ARHGAP11B: variants seen among roughly 807,000 people sequenced by gnomAD.
ARHGAP11B encodes Rho GTPase activating protein 11B.
ARHGAP11B carries 14 observed loss-of-function variants against 27.6 expected under a neutral mutation model. The observed-to-expected ratio is 0.51, with a 90% CI of 0.34 to 0.79. ARHGAP11B has a LOEUF of 0.79. Ranked by LOEUF, ARHGAP11B falls within the 30% of genes least tolerant of loss-of-function variation. The pLI, the probability that ARHGAP11B is intolerant of heterozygous loss-of-function variation, is 0.02. For missense variants in ARHGAP11B, 245 were observed against 320.1 expected (o/e 0.77, Z 1.79); for synonymous variants, 82 against 114.1 (o/e 0.72, Z 1.80).
At chr15:30,647,153 A>G (rs1355378999) in intron 9 of ARHGAP11B, among the ~76,000 whole-genome samples, 2 of 151,774 alleles carry the variant, frequency 1.3e-5, no homozygotes, top group Admixed American at 6.6e-5. Context: ...TTTTTTTCCT[A>G]TCCTCTGGGA....
intron 9 of ARHGAP11B, among the ~76,000 whole-genome samples, chr15:30,646,990 G>A (rs888133339): frequency 1.3e-5 from 2 of 151,740 alleles, no homozygotes; most frequent in African/African-American, 2.4e-5. Context: ...AAAACAAAAC[G>A]TGATATCATA....
At position 30,639,968 on chromosome 15, in the gene ARHGAP11B, T is replaced by TAGAG. The variant is rs1468172770; in HGVS notation, c.*78+1149_*78+1152dup. Among the ~76,000 whole-genome samples the TAGAG allele has an allele frequency of 7.2e-4, 90 of 125,478 alleles. 1 individual carries two copies. Among genetic ancestry groups the TAGAG allele is most frequent in the African/African-American group, 2.5e-3 (86 of 34,128 alleles). The allele number at this position is 125,478 out of a possible 152,430, so 82.3% of individuals were successfully genotyped here. A position where few individuals can be genotyped will look rare whatever the true frequency, so the allele number is the denominator to read the frequency against. On this transcript the variant is annotated intron_variant, in intron 7 of 10. Coordinates refer to ENST00000428041, the Ensembl canonical transcript of ARHGAP11B. ...TTTTAAAATAGACAGTGTTTCAATA[T>TAGAG]AGAGTGTGTGTGTGTGTGTGTGTGT... is the stretch of plus-strand genomic sequence containing the variant.
chr15:30,627,566 A>G (rs1158407067), intron 1 of ARHGAP11B, among the ~76,000 whole-genome samples: 1 of 147,932 alleles, frequency 6.8e-6, no homozygotes, highest in Non-Finnish European at 1.5e-5. Flanking sequence ...TGGGACAGCA[A>G]TTTTTTTTTT....
chr15:30,627,020 C>A lies in ARHGAP11B; in HGVS notation c.129+71C>A, dbSNP rs1389467506. The A allele has an allele frequency of 1.8e-5, 28 of 1,593,194 alleles. 1 individual carries two copies. Among genetic ancestry groups the A allele is most frequent in the Non-Finnish European group, 2.3e-5 (27 of 1,168,010 alleles). Reference sequence around the variant, plus strand: ...CCTTTATCATCACTTATTAGCAGATCGTGCTAAAATGTTCACTCTGTGTAT... The same window carrying A: ...CCTTTATCATCACTTATTAGCAGATAGTGCTAAAATGTTCACTCTGTGTAT... On this transcript the variant is annotated intron_variant, in intron 1 of 10. Transcript: ENST00000428041.
At chr15:30,641,958 T>C (rs4779484) in intron 7 of ARHGAP11B, among the ~76,000 whole-genome samples, 83,741 of 151,750 alleles carry the variant, frequency 0.55, 24,713 homozygotes, top group African/African-American at 0.71. Context: ...TCAAGCAATC[T>C]GCCCTCCTCA....
chr15:30,633,422 C>T lies in ARHGAP11B; in HGVS notation c.201-68C>T, dbSNP rs963043489. 21 of 1,400,354 alleles carry T rather than the reference C, an allele frequency of 1.5e-5. 1 individual carries two copies. The Admixed American group carries it at 1.9e-4, about 13-fold the overall frequency. 86.7% of individuals were successfully genotyped at this position (1,400,354 alleles called of 1,614,324 possible). On this transcript the variant is annotated intron_variant, in intron 2 of 10. Transcript: ENST00000428041. ...AAAGGTCTGTAGTGCTTGGCCTGCT[C>T]ATGTATGTTAGCAGAGGAATAGGAT... is the stretch of plus-strand genomic sequence containing the variant.
At chr15:30,630,905 C>A (rs1457263088) in intron 2 of ARHGAP11B, 132 bp downstream of exon 2, 11 of 1,494,632 alleles carry the variant, frequency 7.4e-6, no homozygotes, top group Non-Finnish European at 8.1e-6. Context: ...CATGGTGAGA[C>A]CTTGTCGCAA....
intron 8 of ARHGAP11B, chr15:30,644,802 A>C: frequency 1.9e-6 from 2 of 1,061,078 alleles, no homozygotes; most frequent in Non-Finnish European, 2.9e-6. Context: ...GAATAACTAA[A>C]TTTATTTTGT....
exon 1 of ARHGAP11B, chr15:30,626,131 G>A (rs1327227915): frequency 2.6e-5 from 4 of 153,670 alleles, no homozygotes; most frequent in Non-Finnish European, 5.8e-5. Context: ...CCCCCGTGGT[G>A]GCTCCGGGTG....
intron 6 of ARHGAP11B, among the ~76,000 whole-genome samples, chr15:30,638,030 G>A (rs2060292428): frequency 6.6e-6 from 1 of 151,346 alleles, no homozygotes; most frequent in Admixed American, 6.6e-5. Context: ...GTGTTGGCCA[G>A]GCTGGTCTCT....
chr15:30,633,515 T>C (rs2060258913), exon 3 of ARHGAP11B: 1 of 1,612,968 alleles, frequency 6.2e-7, no homozygotes, highest in East Asian at 2.2e-5. Flanking sequence ...TTGCACATCT[T>C]TAGAAGAACA....
intron 7 of ARHGAP11B, among the ~76,000 whole-genome samples, chr15:30,639,448 G>A (rs1367815615): frequency 6.6e-6 from 1 of 151,142 alleles, no homozygotes; most frequent in African/African-American, 2.4e-5. Context: ...TTAAGTAATT[G>A]CAGAGTGTTT....
At position 30,631,505 on chromosome 15, in the gene ARHGAP11B, T is replaced by A. The variant is rs568587668; in HGVS notation, c.200+732T>A. 7.8e-4 allele frequency among the ~76,000 whole-genome samples: 118 copies of A among 151,884 alleles called. 1 individual carries two copies. The highest frequency in any genetic ancestry group is 2.7e-3 in the African/African-American group (110 of 41,446). On this transcript the variant is annotated intron_variant, in intron 2 of 10. Coordinates refer to ENST00000428041, the Ensembl canonical transcript of ARHGAP11B. ...GCAAGACTCCATGTATAAAAAAAAT[T>A]TTAAAGAAAAATCAGCTGGGCAAGG... is the stretch of plus-strand genomic sequence containing the variant.
At position 30,634,213 on chromosome 15, in the gene ARHGAP11B, C is replaced by CT; in HGVS notation, c.343dup (p.Cys115LeufsTer2). The CT allele has an allele frequency of 6.2e-7, 1 of 1,610,754 alleles. No homozygotes were observed. The highest frequency in any genetic ancestry group is 8.5e-7 in the Non-Finnish European group (1 of 1,177,752). On this transcript the variant is annotated frameshift_variant, in exon 4 of 11. Coordinates refer to ENST00000428041, the Ensembl canonical transcript of ARHGAP11B. LOFTEE classifies it high-confidence loss of function. ...GAAGGTTGCCTATCTTCTGCACCTC[C>CT]TTGTGATATTGCGGGACTTCTTAAG...
intron 1 of ARHGAP11B, 28 bp from the exon 2 acceptor site, chr15:30,630,675 G>T: frequency 6.4e-7 from 1 of 1,563,570 alleles, no homozygotes; most frequent in Non-Finnish European, 8.7e-7. Context: ...TAATATTTGT[G>T]TTAGAGTAAC....
intron 6 of ARHGAP11B, among the ~76,000 whole-genome samples, chr15:30,637,728 C>T (rs1036790779): frequency 3.3e-5 from 5 of 151,636 alleles, no homozygotes; most frequent in Non-Finnish European, 5.9e-5. Context: ...AGCGAGACTC[C>T]GTCTCAAAAA....
At chr15:30,631,783 T>G (rs1275040780) in intron 2 of ARHGAP11B, among the ~76,000 whole-genome samples, 1 of 151,776 alleles carries the variant, frequency 6.6e-6, no homozygotes, top group Non-Finnish European at 1.5e-5. Flanking sequence ...AATAACCTTT[T>G]GTTCTTTTTT....
intron 2 of ARHGAP11B, among the ~76,000 whole-genome samples, chr15:30,631,046 G>A (rs540095569): frequency 1.8e-4 from 28 of 151,718 alleles, no homozygotes; most frequent in African/African-American, 6.8e-4. Flanking sequence ...TGAAGAAGAA[G>A]AGAGTAAGCA....
intron 7 of ARHGAP11B, chr15:30,641,506 T>C (rs1396732874): frequency 6.6e-6 from 1 of 151,698 alleles, no homozygotes; most frequent in Non-Finnish European, 1.5e-5. Context: ...TGGCTAATTT[T>C]CTTTTGCATT....
Sources: allele counts gnomAD v4.1 joint callset (sites outside exome capture counted in the v4.1 genomes callset), GRCh38; gene constraint gnomAD v4.1.1; transcripts MANE v1.5; gene names NCBI Gene and HGNC (gene_info 2026-07-23, HGNC 2026-07-21).